The following GRK2 variants were observed in gnomAD, a reference collection of about 807,000 sequenced individuals.
The protein encoded by GRK2 is adrenergic beta receptor kinase 1.
Under a neutral mutation model 97.8 loss-of-function variants are expected in GRK2, and 23 were observed. The observed-to-expected ratio is 0.24, with a 90% confidence interval of 0.17 to 0.33. The LOEUF is 0.33. Among genes scored for constraint, GRK2 ranks in the 10% least tolerant of loss-of-function variants. The pLI is 1.00. For missense variants in GRK2, 633 were observed against 956.9 expected, an observed-to-expected ratio of 0.66 and a Z score of 4.47; for synonymous variants, 425 against 381.7, an observed-to-expected ratio of 1.11 and a Z score of -1.32.
At chr11:67,284,183 G>T in intron 17 of GRK2, 28 bp from the exon 18 acceptor site, 1 of 1,612,666 alleles carries the variant, frequency 6.2e-7, no homozygotes, top group Non-Finnish European at 8.5e-7. Context: ...GTCCACCCAT[G>T]TGCCCCTGCC....
At position 67,282,234 on chromosome 11, in the gene GRK2, G is replaced by C. The variant is rs568755987; in HGVS notation, c.958-37G>C. On this transcript the variant is annotated intron_variant, in intron 11 of 20. Coordinates refer to ENST00000308595, the MANE Select transcript of GRK2 (RefSeq NM_001619.5). This position sits in a 1 kb window ranked among gnomAD's most constrained non-coding sequence, Gnocchi z 6.9. ...ATCTTGCCTGGCTGGGCCCCATCCT[G>C]AGCTGCCCCAGGCAGCTCACTGGGC... 6.3e-7 allele frequency: 1 copy of C among 1,599,538 alleles called. No individual in the cohort carries two copies. The highest frequency in any genetic ancestry group is 1.3e-5 in the African/African-American group (1 of 74,692).
intron 15 of GRK2, chr11:67,283,442 G>A: frequency 1.6e-6 from 1 of 612,032 alleles, no homozygotes; most frequent in Non-Finnish European, 2.9e-6. Context: ...TTCCAGAGGG[G>A]CCCTTGTCAC....
rs377671393 is a variant in GRK2 at position 67,279,875 on chromosome 11, G to T, written c.478G>T (p.Asp160Tyr). 3.3e-5 allele frequency: 54 copies of T among 1,614,032 alleles called. No individual in the cohort carries two copies. Among genetic ancestry groups the T allele is most frequent in the Non-Finnish European group, 4.2e-5 (50 of 1,180,020 alleles). ...IEEICQNLRG[D>Y]VFQKFIESDK... ...AGAGATTTGTCAAAACCTCCGAGGGGACGTGTTCCAGAAATTCATTGAGAG... is the reference window on the plus strand; with the variant it reads ...AGAGATTTGTCAAAACCTCCGAGGGTACGTGTTCCAGAAATTCATTGAGAG... Residue 160 changes from aspartate to tyrosine, a missense_variant, in exon 6 of 21, where the codon GAC becomes TAC. Physicochemically the swap from Asp to Tyr is radical, Grantham distance 160 (BLOSUM62 -3). Coordinates refer to ENST00000308595, the MANE Select transcript of GRK2 (RefSeq NM_001619.5).
intron 1 of GRK2, among the ~76,000 whole-genome samples, chr11:67,274,162 G>A (rs568257557): frequency 8.8e-4 from 134 of 152,174 alleles, no homozygotes; most frequent in African/African-American, 2.9e-3. Context: ...ACAGGCGCAC[G>A]CCACCATGCT....
chr11:67,277,501 T>A (rs569283597), intron 2 of GRK2, among the ~76,000 whole-genome samples, 153 bp downstream of exon 2: 1 of 152,374 alleles, frequency 6.6e-6, no homozygotes, highest in East Asian at 1.9e-4. Flanking sequence ...TCCAAGTCGC[T>A]GCGACCCTGC....
intron 6 of GRK2, chr11:67,280,349 T>A (rs1860122324): frequency 2.6e-6 from 1 of 384,690 alleles, no homozygotes; most frequent in Non-Finnish European, 4.8e-6. Context: ...GCAGCTGTTT[T>A]AGGGTCACTG....
intron 7 of GRK2, 124 bp downstream of exon 7, chr11:67,280,907 G>A (rs561859138): frequency 1.5e-5 from 19 of 1,250,314 alleles, no homozygotes; most frequent in Middle Eastern, 1.9e-4. Flanking sequence ...CCCCAGGGCC[G>A]TGGCTATGGG....
In GRK2 at chr11:67,284,999, G is replaced by C. The variant is rs780704827; in HGVS notation, c.1791+16G>C. On this transcript the variant is annotated intron_variant, in intron 19 of 20. Transcript: ENST00000308595. ...CGAGGCCCCGGTAAGGAGCCCGTGC[G>C]GGGGTCCGGGAGCCGGGCTTCCGGG... 6.2e-7 allele frequency: 1 copy of C among 1,611,718 alleles called. No homozygotes were observed. The highest frequency in any genetic ancestry group is 8.5e-7 in the Non-Finnish European group (1 of 1,179,100).
At position 67,284,273 on chromosome 11, in the gene GRK2, G is replaced by A. The variant is rs1303968339; in HGVS notation, c.1554G>A (p.Gln518=). ...NFPLTISERW[Q]QEVAETVFDT... ...CCCTCACCATCTCGGAGCGGTGGCA[G>A]CAGGAGGTGGCAGAGACTGTCTTCG... is the stretch of plus-strand genomic sequence containing the variant. The change falls in exon 18 of 21, where the codon CAG becomes CAA. Residue 518 remains glutamine (Q), a synonymous_variant. Coordinates refer to ENST00000308595, the MANE Select transcript of GRK2 (RefSeq NM_001619.5). 1.9e-6 allele frequency: 3 copies of A among 1,613,504 alleles called. No homozygotes were observed. Among genetic ancestry groups the A allele is most frequent in the Admixed American group, 3.3e-5 (2 of 60,034 alleles).
rs1477974154 is a variant in GRK2, at chr11:67,282,768, C to T, written c.1177C>T (p.Gln393Ter). The change falls in exon 14 of 21, where the codon CAG (glutamine) becomes TAG (stop). Residue 393 changes from glutamine to a stop codon, truncating the protein, a stop_gained. Transcript: ENST00000308595. LOFTEE classifies it high-confidence loss of function. This position sits in a 1 kb window ranked among gnomAD's most constrained non-coding sequence, Gnocchi z 6.9. Reference protein sequence around the residue: ...KLLRGHSPFRQHKTKDKHEID... With the variant: ...KLLRGHSPFR ...CTTGCCCAGGCACAGCCCCTTCCGGCAGCACAAGACCAAAGACAAGCATGA... is the reference window on the plus strand; with the variant it reads ...CTTGCCCAGGCACAGCCCCTTCCGGTAGCACAAGACCAAAGACAAGCATGA... The T allele has an allele frequency of 6.2e-7, 1 of 1,611,320 alleles. No homozygotes were observed. The highest frequency in any genetic ancestry group is 1.3e-5 in the African/African-American group (1 of 74,932).
At chr11:67,266,833 G>T in intron 1 of GRK2, 21 bp downstream of exon 1, 1 of 1,191,394 alleles carries the variant, frequency 8.4e-7, no homozygotes. Context: ...GCTGCCCGCG[G>T]CCCCGGCCCG....
At position 67,282,129 on chromosome 11, in the gene GRK2, G is replaced by T; in HGVS notation, c.958-142G>T. On this transcript the variant is annotated intron_variant, in intron 11 of 20. Coordinates refer to ENST00000308595, the MANE Select transcript of GRK2 (RefSeq NM_001619.5). The surrounding 1 kb of genome is among the most constrained non-coding windows in gnomAD (Gnocchi z 6.9). Reference sequence around the variant, plus strand: ...CTCTCTGGGTCCAGGTTGTAGCTGGGGACAGGAGAGAGGACCCCCACCTTT... The same window carrying T: ...CTCTCTGGGTCCAGGTTGTAGCTGGTGACAGGAGAGAGGACCCCCACCTTT... 1 of 1,208,322 alleles carries T rather than the reference G, an allele frequency of 8.3e-7. No homozygotes were observed. Among genetic ancestry groups the T allele is most frequent in the Non-Finnish European group, 1.2e-6 (1 of 846,662 alleles). 74.9% of individuals were successfully genotyped at this position (1,208,322 alleles called of 1,614,324 possible).
At chr11:67,273,282 T>C (rs1165088426) in intron 1 of GRK2, among the ~76,000 whole-genome samples, 1 of 152,232 alleles carries the variant, frequency 6.6e-6, no homozygotes, top group Non-Finnish European at 1.5e-5. Context: ...CTTAGCGTCC[T>C]TCCATCTGGG....
At position 67,285,664 on chromosome 11, in the gene GRK2, G is replaced by T. The variant is rs889368276; in HGVS notation, c.*214G>T. 2.3e-5 allele frequency: 13 copies of T among 570,532 alleles called. No individual in the cohort carries two copies. Among genetic ancestry groups the T allele is most frequent in the Non-Finnish European group, 3.9e-5 (13 of 334,238 alleles). 35.3% of individuals were successfully genotyped at this position (570,532 alleles called of 1,614,324 possible). On this transcript the variant is annotated 3_prime_UTR_variant, in exon 21 of 21. Transcript: ENST00000308595. Reference sequence around the variant, plus strand: ...GCCCTCTGTCCTGACTTCAGGGGCTGCCCGCTCCCAGTGTCTTCCTGTGGG... The same window carrying T: ...GCCCTCTGTCCTGACTTCAGGGGCTTCCCGCTCCCAGTGTCTTCCTGTGGG...
chr11:67,271,256 C>G (rs1224263350), intron 1 of GRK2, among the ~76,000 whole-genome samples: 1 of 152,250 alleles, frequency 6.6e-6, no homozygotes, highest in Non-Finnish European at 1.5e-5. Context: ...TATTTCTACT[C>G]TGCTGCAACT....
At chr11:67,279,359 T>G (rs1860098207) in intron 3 of GRK2, 59 bp from the exon 4 acceptor site, 1 of 1,607,858 alleles carries the variant, frequency 6.2e-7, no homozygotes, top group Non-Finnish European at 8.5e-7. Context: ...AGCTGCCTGG[T>G]GTGGGCATCC....
intron 1 of GRK2, among the ~76,000 whole-genome samples, chr11:67,272,724 T>C (rs1859936490): frequency 6.6e-6 from 1 of 152,222 alleles, no homozygotes; most frequent in Non-Finnish European, 1.5e-5. Context: ...CAAGTACCTC[T>C]GTGCCAAGGA....
chr11:67,281,376 A>G lies in GRK2; in HGVS notation c.648-83A>G. ...TGTGTCACACGCTGGTCCTGGGTCTAGTCTTTCCCTCAAGCGCCCCCTGAG... is the reference window on the plus strand; with the variant it reads ...TGTGTCACACGCTGGTCCTGGGTCTGGTCTTTCCCTCAAGCGCCCCCTGAG... On this transcript the variant is annotated intron_variant, in intron 8 of 20. Transcript: ENST00000308595. The surrounding 1 kb of genome is among the most constrained non-coding windows in gnomAD (Gnocchi z 5.7). 1 of 1,328,320 alleles carries G rather than the reference A, an allele frequency of 7.5e-7. No homozygotes were observed. The highest frequency in any genetic ancestry group is 1.1e-6 in the Non-Finnish European group (1 of 931,424). 82.3% of individuals were successfully genotyped at this position (1,328,320 alleles called of 1,614,324 possible).
At position 67,282,922 on chromosome 11, in the gene GRK2, C is replaced by T. The variant is rs1216767651; in HGVS notation, c.1227+104C>T. On this transcript the variant is annotated intron_variant, in intron 14 of 20. Coordinates refer to ENST00000308595, the MANE Select transcript of GRK2 (RefSeq NM_001619.5). This position sits in a 1 kb window ranked among gnomAD's most constrained non-coding sequence, Gnocchi z 6.9. ...CACCAGCCAGCAGAGATCTGGGCCA[C>T]TGACCCCTACTCTGGCCTCTGAGAC... 3 of 1,315,384 alleles carry T rather than the reference C, an allele frequency of 2.3e-6. No homozygotes were observed. The highest frequency in any genetic ancestry group is 2.9e-5 in the African/African-American group (2 of 69,418). The allele number at this position is 1,315,384 out of a possible 1,614,324, so 81.5% of individuals were successfully genotyped here.
Sources: allele counts gnomAD v4.1 joint callset (sites outside exome capture counted in the v4.1 genomes callset), GRCh38; gene constraint gnomAD v4.1.1; non-coding constraint Gnocchi (gnomAD v3.1); transcripts MANE v1.5; gene names NCBI Gene and HGNC (gene_info 2026-07-23, HGNC 2026-07-21).